The following EML6 variants were observed in gnomAD, a reference collection of about 807,000 sequenced individuals.
EML6 encodes EMAP like 6, also known as echinoderm microtubule-associated protein-like 6.
In EML6, 154 loss-of-function variants were observed where a neutral mutation model predicts 240.1. The ratio of observed to expected loss-of-function variants is 0.64; its 90% confidence interval spans 0.56 to 0.73. The LOEUF (loss-of-function observed/expected upper bound fraction) is 0.73. EML6 is among the 30% of genes least tolerant of loss of function. EML6 has a pLI of 0.00. For missense variants in EML6, 2,964 were observed against 2,474.6 expected, an observed-to-expected ratio of 1.20 and a Z score of -4.20; for synonymous variants, 1,148 against 899.0, an observed-to-expected ratio of 1.28 and a Z score of -4.95.
At chr2:54,833,380 G>A (rs1668974718) in intron 7 of EML6, among the ~76,000 whole-genome samples, 1 of 152,190 alleles carries the variant, frequency 6.6e-6, no homozygotes, top group African/African-American at 2.4e-5. Flanking sequence ...CATCAAGAAA[G>A]AAGTTTTAAA....
intron 2 of EML6, among the ~76,000 whole-genome samples, chr2:54,751,492 C>G (rs1684161792): frequency 6.6e-6 from 1 of 151,862 alleles, no homozygotes; most frequent in African/African-American, 2.4e-5. Flanking sequence ...GCTTCTGCTT[C>G]CAGAAAAAGA....
chr2:54,968,360 C>T, intron 40 of EML6, 79 bp downstream of exon 40: 1 of 1,343,760 alleles, frequency 7.4e-7, no homozygotes, highest in South Asian at 1.3e-5. Context: ...GTCTAGATGG[C>T]CCTCTGGGAG....
intron 2 of EML6, among the ~76,000 whole-genome samples, chr2:54,781,344 G>GC (rs1668847484): frequency 6.6e-6 from 1 of 152,078 alleles, no homozygotes; most frequent in Non-Finnish European, 1.5e-5. Context: ...CATGGATTTT[G>GC]AAAAAAGTGA....
chr2:54,795,245 A>T (rs1669696416), intron 2 of EML6, among the ~76,000 whole-genome samples: 1 of 152,292 alleles, frequency 6.6e-6, no homozygotes, highest in South Asian at 2.1e-4. Context: ...GAAAACTTAG[A>T]ATCATGGCAG....
intron 3 of EML6, 91 bp from the exon 4 acceptor site, chr2:54,816,696 G>A: frequency 9.9e-7 from 1 of 1,014,854 alleles, no homozygotes; most frequent in Non-Finnish European, 1.5e-6. Context: ...GAAATTCAAT[G>A]CCTAACCCAT....
At position 54,906,869 on chromosome 2, in the gene EML6, G is replaced by A. The variant is rs552491308; in HGVS notation, c.3409+3367G>A. Reference sequence around the variant, plus strand: ...AGCTTTCACAGCAGGGGCCTCCAGAGTCTGGCAAGGTTGAGAGCAGAATTT... The same window carrying A: ...AGCTTTCACAGCAGGGGCCTCCAGAATCTGGCAAGGTTGAGAGCAGAATTT... On this transcript the variant is annotated intron_variant, in intron 24 of 41. Transcript: ENST00000356458. 8.5e-5 allele frequency among the ~76,000 whole-genome samples: 13 copies of A among 152,278 alleles called. No homozygotes were observed. The South Asian group carries it at 2.7e-3, about 32-fold the overall frequency.
intron 7 of EML6, among the ~76,000 whole-genome samples, chr2:54,840,535 A>G (rs1211722879): frequency 6.6e-6 from 1 of 152,214 alleles, no homozygotes; most frequent in Non-Finnish European, 1.5e-5. Flanking sequence ...TTCACTGTTA[A>G]GCTCCACTGT....
rs3036161 is a variant in EML6, at chr2:54,779,865, GAA to G, written c.198-33352_198-33351del. Among the ~76,000 whole-genome samples the G allele has an allele frequency of 3.1e-3, 351 of 113,168 alleles. 2 individuals are homozygous for G. The highest frequency in any genetic ancestry group is 8.1e-3 in the African/African-American group (270 of 33,172). The allele number at this position is 113,168 out of a possible 152,430, so 74.2% of individuals were successfully genotyped here. A position where few individuals can be genotyped will look rare whatever the true frequency, so the allele number is the denominator to read the frequency against. ...TGACAGACCCAGTCTCAAAAAAAAA[GAA>G]AAAAAAAAAAAAAAGAATATAGTAA... On this transcript the variant is annotated intron_variant, in intron 2 of 41. Transcript: ENST00000356458.
chr2:54,931,510 C>A (rs1241180077), intron 28 of EML6, among the ~76,000 whole-genome samples: 1 of 152,172 alleles, frequency 6.6e-6, no homozygotes, highest in Non-Finnish European at 1.5e-5. Context: ...CCAGCTTCTC[C>A]CTGGGAATAA....
At chr2:54,825,098 A>C (rs897508174) in intron 5 of EML6, among the ~76,000 whole-genome samples, 1 of 152,308 alleles carries the variant, frequency 6.6e-6, no homozygotes, top group Admixed American at 6.5e-5. Flanking sequence ...TCTGAAGATA[A>C]TGGGTTCTAT....
chr2:54,862,225 G>C (rs2103848049), intron 12 of EML6, among the ~76,000 whole-genome samples: 1 of 150,694 alleles, frequency 6.6e-6, no homozygotes, highest in Non-Finnish European at 1.5e-5. Flanking sequence ...TGTAATCCCA[G>C]CTACAGGGGA....
Position 54,727,175 on chromosome 2 carries a change from G to T in EML6, c.197+1917G>T, listed in dbSNP as rs551007629. 1.5e-3 allele frequency among the ~76,000 whole-genome samples: 222 copies of T among 143,326 alleles called. 7 individuals carry two copies. Among genetic ancestry groups the T allele is most frequent in the Admixed American group, 3.4e-3 (45 of 13,114 alleles). 94.0% of individuals were successfully genotyped at this position (143,326 alleles called of 152,430 possible). On this transcript the variant is annotated intron_variant, in intron 2 of 41. Coordinates refer to ENST00000356458, the MANE Select transcript of EML6 (RefSeq NM_001039753.4). ...ACTGGGTTTGCAGGGAGCCTTAACT[G>T]ATGAAGGGAAAAAGAGACAGTTAGC...
intron 14 of EML6, 196 bp downstream of exon 14, chr2:54,867,080 C>A: frequency 2.3e-6 from 1 of 430,408 alleles, no homozygotes. Context: ...CGTTGATGTT[C>A]TGTGGCCATC....
intron 2 of EML6, among the ~76,000 whole-genome samples, chr2:54,785,198 C>T (rs980489950): frequency 7.9e-6 from 1 of 126,540 alleles, no homozygotes; most frequent in Non-Finnish European, 1.6e-5. Context: ...TTTTTTAAGA[C>T]GGAGTCTCAC....
At chr2:54,907,012 G>A (rs548663911) in intron 24 of EML6, among the ~76,000 whole-genome samples, 1 of 152,284 alleles carries the variant, frequency 6.6e-6, no homozygotes, top group Admixed American at 6.5e-5. Context: ...GCAGCCTCTT[G>A]TGCCCATGGC....
intron 28 of EML6, among the ~76,000 whole-genome samples, chr2:54,946,287 C>G (rs1355276651): frequency 1.3e-5 from 2 of 152,216 alleles, no homozygotes; most frequent in African/African-American, 4.8e-5. Flanking sequence ...CTCTCACCCC[C>G]TCACCTTCCC....
chr2:54,857,230 C>T (rs1388318153), intron 11 of EML6, among the ~76,000 whole-genome samples: 3 of 152,156 alleles, frequency 2.0e-5, no homozygotes, highest in Non-Finnish European at 4.4e-5. Flanking sequence ...GCTGTCAGTG[C>T]TCCAGGGAGA....
At chr2:54,968,052 T>C in intron 39 of EML6, 76 bp from the exon 40 acceptor site, 1 of 1,385,562 alleles carries the variant, frequency 7.2e-7, no homozygotes, top group South Asian at 1.3e-5. Flanking sequence ...TCCTTATCCC[T>C]GGGAGGTGAT....
chr2:54,950,877 C>G, intron 30 of EML6, 98 bp downstream of exon 30: 5 of 1,273,840 alleles, frequency 3.9e-6, no homozygotes, highest in South Asian at 1.5e-5. Context: ...TTTTCCTTCC[C>G]TTATAGAGCC....
Sources: gnomAD v4.1 joint callset for allele counts (sites outside exome capture counted in the v4.1 genomes callset) on GRCh38, gnomAD v4.1.1 for gene constraint, MANE v1.5 for transcripts, NCBI Gene and HGNC (gene_info 2026-07-23, HGNC 2026-07-21) for gene names.